DTHD1: variants seen among roughly 807,000 people sequenced by gnomAD.
DTHD1 encodes death domain containing 1.
A neutral mutation model predicts 74.8 loss-of-function variants in DTHD1; 59 were observed. That is an observed-to-expected ratio of 0.79 (90% CI 0.64 to 0.98). DTHD1 has a LOEUF of 0.98. DTHD1 is among the 50% of genes least tolerant of loss of function. The pLI is 0.00. For missense variants in DTHD1, 1,051 were observed against 1,065.4 expected, an observed-to-expected ratio of 0.99 and a Z score of 0.19; for synonymous variants, 365 against 371.1, an observed-to-expected ratio of 0.98 and a Z score of 0.19.
intron 7 of DTHD1, among the ~76,000 whole-genome samples, chr4:36,312,533 G>A (rs758988346): frequency 2.6e-5 from 4 of 151,728 alleles, no homozygotes; most frequent in Non-Finnish European, 5.9e-5. Flanking sequence ...CTTAAAGGGT[G>A]TAGCAGGCTT....
At chr4:36,293,450 A>C in intron 3 of DTHD1, 76 bp from the exon 4 acceptor site, 1 of 1,206,300 alleles carries the variant, frequency 8.3e-7, no homozygotes, top group Non-Finnish European at 1.1e-6. Flanking sequence ...TTTTTTTGAC[A>C]ATCCATAGAG....
chr4:36,306,302 A>G lies in DTHD1; in HGVS notation c.1755A>G (p.Lys585=). ...SGWCGLDDVV[K]TIQSGLVSVE... ...GGTGTGGGCTTGATGATGTTGTGAA[A>G]ACCATACAGAGCGGCTTGGTATCAG... Residue 585 remains lysine (K), a synonymous_variant, in exon 6 of 10, where the codon AAA becomes AAG. Transcript: ENST00000639862. The G allele has an allele frequency of 6.4e-7, 1 of 1,551,668 alleles. No homozygotes were observed. Among genetic ancestry groups the G allele is most frequent in the Non-Finnish European group, 8.7e-7 (1 of 1,146,946 alleles).
chr4:36,314,969 G>A (rs1423968929), intron 7 of DTHD1, among the ~76,000 whole-genome samples: 1 of 152,058 alleles, frequency 6.6e-6, no homozygotes, highest in African/African-American at 2.4e-5. Context: ...GGAAGCTCAG[G>A]CTCTAAGAAG....
intron 8 of DTHD1, among the ~76,000 whole-genome samples, chr4:36,335,668 T>C (rs959995407): frequency 6.6e-6 from 1 of 152,234 alleles, no homozygotes; most frequent in Non-Finnish European, 1.5e-5. Flanking sequence ...TGGCTGGATC[T>C]TGGAGCACTG....
At chr4:36,340,109 T>C (rs544005742) in intron 9 of DTHD1, among the ~76,000 whole-genome samples, 1 of 152,262 alleles carries the variant, frequency 6.6e-6, no homozygotes, top group East Asian at 1.9e-4. Flanking sequence ...ATTACACAGG[T>C]TGGGAGATAT....
intron 8 of DTHD1, among the ~76,000 whole-genome samples, chr4:36,337,360 G>GA (rs1283522571): frequency 6.6e-6 from 1 of 151,876 alleles, no homozygotes; most frequent in African/African-American, 2.4e-5. Flanking sequence ...TCATGTGCAT[G>GA]AAAAAAAATT....
chr4:36,281,637 G>A lies in DTHD1; in HGVS notation c.-122G>A. On this transcript the variant is annotated 5_prime_UTR_variant, in exon 1 of 10. Transcript: ENST00000639862. The stretch of plus-strand genomic sequence containing the variant: ...AATAACCACTATGTTGTGAGAAAGT[G>A]CTGGGCTAGCTGACTCGGATCATCT... 8.1e-7 allele frequency: 1 copy of A among 1,227,950 alleles called. No individual in the cohort carries two copies. The highest frequency in any genetic ancestry group is 1.0e-6 in the Non-Finnish European group (1 of 984,272). 76.1% of individuals were successfully genotyped at this position (1,227,950 alleles called of 1,614,324 possible). A position where few individuals can be genotyped will look rare whatever the true frequency, so the allele number is the denominator to read the frequency against.
Position 36,294,780 on chromosome 4 carries a change from A to G in DTHD1, c.1399-15A>G. 2 of 1,497,054 alleles carry G rather than the reference A, an allele frequency of 1.3e-6. No individual in the cohort carries two copies. Among genetic ancestry groups the G allele is most frequent in the Non-Finnish European group, 1.8e-6 (2 of 1,123,812 alleles). The allele number at this position is 1,497,054 out of a possible 1,614,324, so 92.7% of individuals were successfully genotyped here. A position where few individuals can be genotyped will look rare whatever the true frequency, so the allele number is the denominator to read the frequency against. ...TTTCTATTAAAACATAAGAAAAAAT[A>G]TATTTTTTGTTTAGATCCAACCAGT... On this transcript the variant is annotated splice_polypyrimidine_tract_variant and intron_variant, in intron 4 of 9. Transcript: ENST00000639862.
intron 8 of DTHD1, among the ~76,000 whole-genome samples, chr4:36,325,493 C>T (rs1411967643): frequency 1.3e-5 from 2 of 152,126 alleles, no homozygotes; most frequent in Non-Finnish European, 2.9e-5. Context: ...AATGGATGAG[C>T]TTAGCAATAG....
chr4:36,315,241 A>G lies in DTHD1; in HGVS notation c.2096-1001A>G, dbSNP rs556510468. On this transcript the variant is annotated intron_variant, in intron 7 of 9. Coordinates refer to ENST00000639862, the MANE Select transcript of DTHD1 (RefSeq NM_001170700.3). Reference sequence around the variant, plus strand: ...ATAAAACCCCAGTAAGTGAAAGGTTATGTTCACAAAAGCTCTAGAATTTTC... The same window carrying G: ...ATAAAACCCCAGTAAGTGAAAGGTTGTGTTCACAAAAGCTCTAGAATTTTC... 8.5e-5 allele frequency among the ~76,000 whole-genome samples: 13 copies of G among 152,346 alleles called. No individual in the cohort carries two copies. In the South Asian group the frequency reaches 2.7e-3, roughly 32 times the overall value.
chr4:36,299,934 C>T (rs190840355), intron 5 of DTHD1, among the ~76,000 whole-genome samples: 19 of 152,270 alleles, frequency 1.2e-4, no homozygotes, highest in Non-Finnish European at 2.1e-4. Flanking sequence ...CATGCCACTA[C>T]ACTCCAGCCT....
intron 9 of DTHD1, among the ~76,000 whole-genome samples, chr4:36,342,104 A>C (rs1759344848): frequency 6.6e-6 from 1 of 152,242 alleles, no homozygotes; most frequent in African/African-American, 2.4e-5. Context: ...GGTGTGAATG[A>C]TGATCCGCAG....
At position 36,316,483 on chromosome 4, in the gene DTHD1, A is replaced by G; in HGVS notation, c.2337A>G (p.Pro779=). ...TTTGCAAATTACCATTGAAATTGCC[A>G]AAGGTGAGTTATTTTACTTTTCTAA... ...LPICKLPLKL[P]KHKKLINRPQ... Residue 779 remains proline, a synonymous_variant, in exon 8 of 10, where the codon CCA becomes CCG. Coordinates refer to ENST00000639862, the MANE Select transcript of DTHD1 (RefSeq NM_001170700.3). The G allele has an allele frequency of 6.5e-7, 1 of 1,547,078 alleles. No homozygotes were observed. Among genetic ancestry groups the G allele is most frequent in the Non-Finnish European group, 8.7e-7 (1 of 1,145,758 alleles).
intron 5 of DTHD1, among the ~76,000 whole-genome samples, chr4:36,296,091 C>T (rs938977901): frequency 1.3e-5 from 2 of 151,958 alleles, no homozygotes; most frequent in Non-Finnish European, 2.9e-5. Context: ...ATCCATTAAC[C>T]AGAAACCGAT....
At chr4:36,315,168 G>A (rs1018872508) in intron 7 of DTHD1, among the ~76,000 whole-genome samples, 1 of 152,144 alleles carries the variant, frequency 6.6e-6, no homozygotes, top group Non-Finnish European at 1.5e-5. Context: ...ACATGGTAGT[G>A]TTTATTCTAC....
chr4:36,343,646 T>A lies in DTHD1; in HGVS notation c.2543T>A (p.Ile848Asn), dbSNP rs1383212360. The A allele has an allele frequency of 6.4e-7, 1 of 1,551,872 alleles. No individual in the cohort carries two copies. Among genetic ancestry groups the A allele is most frequent in the Middle Eastern group, 1.7e-4 (1 of 5,990 alleles). Residue 848 changes from isoleucine (I) to asparagine (N), a missense_variant, in exon 10 of 10, where the codon ATC (isoleucine) becomes AAC (asparagine). Ile to Asn is a moderately radical substitution (Grantham distance 149, BLOSUM62 -3). Coordinates refer to ENST00000639862, the MANE Select transcript of DTHD1 (RefSeq NM_001170700.3). ...AACCCTGATGATCTCACAGAACAGA[T>A]CCACGAGTTTCTTTGCTTCTGGAAA... ...LKNPDDLTEQ[I>N]HEFLCFWKKS...
chr4:36,296,931 A>T (rs965850725), intron 5 of DTHD1, among the ~76,000 whole-genome samples: 1 of 152,168 alleles, frequency 6.6e-6, no homozygotes, highest in Non-Finnish European at 1.5e-5. Context: ...GTTGACCAGG[A>T]GAAAAGCCTT....
chr4:36,304,976 C>T (rs2061983983), intron 5 of DTHD1, among the ~76,000 whole-genome samples: 1 of 152,144 alleles, frequency 6.6e-6, no homozygotes, highest in Non-Finnish European at 1.5e-5. Flanking sequence ...ATCAAATTGG[C>T]TGGCTGTTGG....
At chr4:36,295,662 A>G (rs1756353876) in intron 5 of DTHD1, among the ~76,000 whole-genome samples, 1 of 152,106 alleles carries the variant, frequency 6.6e-6, no homozygotes, top group Admixed American at 6.5e-5. Context: ...AATAATGAGA[A>G]TTACAGTTAC....
Sources: allele counts gnomAD v4.1 joint callset (sites outside exome capture counted in the v4.1 genomes callset), GRCh38; gene constraint gnomAD v4.1.1; transcripts MANE v1.5; gene names NCBI Gene and HGNC (gene_info 2026-07-23, HGNC 2026-07-21).